PPP6R2: variants seen among roughly 807,000 people sequenced by gnomAD.
PPP6R2 encodes protein phosphatase 6 regulatory subunit 2.
A neutral mutation model predicts 100.2 loss-of-function variants in PPP6R2; 62 were observed. That is an observed-to-expected ratio of 0.62 (90% CI 0.50 to 0.76). The LOEUF (loss-of-function observed/expected upper bound fraction) is 0.76, where lower values mean the gene tolerates loss of function less well. Among genes scored for constraint, PPP6R2 ranks in the 30% least tolerant of loss-of-function variants. The pLI is 0.00. For missense variants in PPP6R2, 1,142 were observed against 1,276.3 expected (o/e 0.89, Z 1.60); for synonymous variants, 525 against 514.7 (o/e 1.02, Z -0.27).
chr22:50,394,913 CAAAAAAAA>C (rs57028687), intron 3 of PPP6R2, among the ~76,000 whole-genome samples: 2 of 76,424 alleles, frequency 2.6e-5, no homozygotes, highest in East Asian at 4.3e-4. Context: ...GACTCTGTCT[CAAAAAAAA>C]AAAAAAAAAA....
intron 1 of PPP6R2, among the ~76,000 whole-genome samples, chr22:50,369,519 C>T (rs2049517502): frequency 6.6e-6 from 1 of 152,010 alleles, no homozygotes; most frequent in African/African-American, 2.4e-5. Context: ...TTGTGGCTCA[C>T]TGCAGCCTTT....
chr22:50,371,558 G>C (rs1219850798), intron 1 of PPP6R2, among the ~76,000 whole-genome samples: 4 of 152,134 alleles, frequency 2.6e-5, no homozygotes, highest in Non-Finnish European at 4.4e-5. Context: ...ATGTTTGCTA[G>C]TTGAATTATG....
At chr22:50,367,395 G>C (rs12158244) in intron 1 of PPP6R2, among the ~76,000 whole-genome samples, 73,428 of 151,894 alleles carry the variant, frequency 0.48, 19,002 homozygotes, top group African/African-American at 0.68. Flanking sequence ...AGAATCTTAG[G>C]TGGAGGGCAC....
intron 3 of PPP6R2, 32 bp downstream of exon 3, chr22:50,394,167 CCAGGCAGTGCTGCAGGCAGGCCG>C: frequency 3.1e-6 from 5 of 1,606,308 alleles, no homozygotes; most frequent in African/African-American, 1.3e-5. Flanking sequence ...GGCCAGTACG[CCAGGCAGTGCTGCAGGCAGGCCG>C]CAGGCAGTGT....
chr22:50,383,210 C>T (rs1290893301), intron 2 of PPP6R2, among the ~76,000 whole-genome samples: 1 of 152,026 alleles, frequency 6.6e-6, no homozygotes, highest in Non-Finnish European at 1.5e-5. Flanking sequence ...CCAATTCATT[C>T]CATGTGTCAA....
chr22:50,339,324 T>C (rs1157463812), upstream of PPP6R2, among the ~76,000 whole-genome samples: 1 of 141,812 alleles, frequency 7.1e-6, no homozygotes, highest in Non-Finnish European at 1.5e-5. Flanking sequence ...GGGTGTAGTG[T>C]GTGTGGTGTG....
chr22:50,340,122 AGT>A (rs1441234874), upstream of PPP6R2, among the ~76,000 whole-genome samples: 7 of 75,750 alleles, frequency 9.2e-5, no homozygotes, highest in Admixed American at 4.5e-4. Context: ...GTGTGTGTAC[AGT>A]GTGTGGTGTG....
At chr22:50,389,335 T>C (rs1447336602) in intron 2 of PPP6R2, among the ~76,000 whole-genome samples, 1 of 152,184 alleles carries the variant, frequency 6.6e-6, no homozygotes, top group Admixed American at 6.5e-5. Context: ...AGGCCTTCCC[T>C]GTAGGTGAGG....
chr22:50,374,732 G>A (rs2051058229), intron 2 of PPP6R2, among the ~76,000 whole-genome samples: 2 of 152,046 alleles, frequency 1.3e-5, no homozygotes, highest in African/African-American at 2.4e-5. Flanking sequence ...TTGCTAATAC[G>A]GTGAAACCCC....
intron 1 of PPP6R2, among the ~76,000 whole-genome samples, chr22:50,344,522 C>T (rs28973147): frequency 2.5e-3 from 5 of 1,982 alleles, no homozygotes; most frequent in Non-Finnish European, 3.0e-3. Flanking sequence ...CCAGTCAATT[C>T]CCCCCAGTCA....
intron 4 of PPP6R2, among the ~76,000 whole-genome samples, chr22:50,410,246 C>G (rs952569102): frequency 6.6e-6 from 1 of 152,100 alleles, no homozygotes; most frequent in Non-Finnish European, 1.5e-5. Flanking sequence ...AGGCCAAAAG[C>G]AGCCATCACT....
Position 50,419,432 on chromosome 22 carries a change from TACTC to T in PPP6R2, c.818_821del (p.Leu273ProfsTer39). ...TGCCTCGTCAGTGGGACTCAGGTGTTACTCACCTTGCTGGAAACCAGGCGGGTTG... is the reference window on the plus strand; with the variant it reads ...TGCCTCGTCAGTGGGACTCAGGTGTTACCTTGCTGGAAACCAGGCGGGTTG... On this transcript the variant is annotated frameshift_variant, in exon 8 of 24. Coordinates refer to ENST00000612753, the MANE Select transcript of PPP6R2 (RefSeq NM_001242898.2). LOFTEE classifies it high-confidence loss of function. The T allele has an allele frequency of 1.2e-6, 2 of 1,614,186 alleles. No individual in the cohort carries two copies. Among genetic ancestry groups the T allele is most frequent in the Non-Finnish European group, 1.7e-6 (2 of 1,180,010 alleles).
At chr22:50,401,900 C>T (rs1022169865) in intron 3 of PPP6R2, among the ~76,000 whole-genome samples, 2 of 152,084 alleles carry the variant, frequency 1.3e-5, no homozygotes, top group Non-Finnish European at 2.9e-5. Flanking sequence ...TCCCAGAGTG[C>T]TGGGGTTACA....
intron 22 of PPP6R2, among the ~76,000 whole-genome samples, chr22:50,442,513 T>C (rs569823452): frequency 1.0e-4 from 15 of 149,232 alleles, no homozygotes; most frequent in Admixed American, 6.1e-4. Context: ...AGAGTTCCTG[T>C]GTGGGCTTCA....
At chr22:50,370,416 G>A (rs1007955277) in intron 1 of PPP6R2, among the ~76,000 whole-genome samples, 1 of 143,530 alleles carries the variant, frequency 7.0e-6, no homozygotes, top group South Asian at 2.3e-4. Flanking sequence ...GCCTCCCGAG[G>A]AGATGGGATT....
chr22:50,404,846 G>A (rs927078496), intron 3 of PPP6R2, among the ~76,000 whole-genome samples: 8 of 152,140 alleles, frequency 5.3e-5, no homozygotes, highest in African/African-American at 1.7e-4. Flanking sequence ...CGCTCCCACT[G>A]GGTGGGCCCT....
chr22:50,439,296 A>C (rs2065071200), intron 19 of PPP6R2, among the ~76,000 whole-genome samples: 1 of 152,152 alleles, frequency 6.6e-6, no homozygotes, highest in African/African-American at 2.4e-5. Context: ...CTGGGGAAGC[A>C]GGAACATCCC....
intron 1 of PPP6R2, among the ~76,000 whole-genome samples, chr22:50,352,193 G>A (rs191474923): frequency 3.9e-4 from 59 of 152,078 alleles, no homozygotes; most frequent in African/African-American, 1.3e-3. Flanking sequence ...CTTCCGCCTC[G>A]GCCTCCCAAA....
chr22:50,413,482 A>G (rs530755263), intron 4 of PPP6R2, among the ~76,000 whole-genome samples: 7 of 152,154 alleles, frequency 4.6e-5, no homozygotes, highest in Non-Finnish European at 1.0e-4. Flanking sequence ...GGACAGAGTA[A>G]GACCTTGTCT....
Sources: allele counts gnomAD v4.1 joint callset (sites outside exome capture counted in the v4.1 genomes callset), GRCh38; gene constraint gnomAD v4.1.1; transcripts MANE v1.5; gene names NCBI Gene and HGNC (gene_info 2026-07-23, HGNC 2026-07-21).